MIDN: variants seen among roughly 807,000 people sequenced by gnomAD.
MIDN encodes the protein midbrain nucleolar protein.
Under a neutral mutation model 46.1 loss-of-function variants are expected in MIDN, and 26 were observed. That is an observed-to-expected ratio of 0.56 (90% CI 0.41 to 0.78). MIDN has a LOEUF of 0.78. Among genes scored for constraint, MIDN ranks in the 30% least tolerant of loss-of-function variants. MIDN has a pLI of 0.00. For missense variants in MIDN, 850 were observed against 771.8 expected (o/e 1.10, Z -1.20); for synonymous variants, 432 against 343.3 (o/e 1.26, Z -2.86).
chr19:1,256,906 C>T, intron 8 of MIDN, 89 bp from the exon 9 acceptor site: 2 of 1,571,628 alleles, frequency 1.3e-6, no homozygotes, highest in East Asian at 4.5e-5. Flanking sequence ...CTGTGTCTGA[C>T]CTCAGGGGCA....
intron 2 of MIDN, 55 bp downstream of exon 2, chr19:1,250,584 G>A: frequency 2.0e-6 from 2 of 997,526 alleles, no homozygotes; most frequent in Non-Finnish European, 2.5e-6. Flanking sequence ...CCCCCGGGCG[G>A]GAACAAAGAG....
In MIDN at chr19:1,258,248, G is replaced by C. The variant is rs544175689; in HGVS notation, c.*976G>C. The C allele has an allele frequency of 6.6e-6, 1 of 152,596 alleles. No individual in the cohort carries two copies. The highest frequency in any genetic ancestry group is 1.9e-4 in the East Asian group (1 of 5,204). 9.5% of individuals were successfully genotyped at this position (152,596 alleles called of 1,614,324 possible). On this transcript the variant is annotated 3_prime_UTR_variant, in exon 9 of 9. Coordinates refer to ENST00000682408, the MANE Select transcript of MIDN (RefSeq NM_001388306.1). Reference sequence around the variant, plus strand: ...TTCCCCCCTCCGAGCCCTCCTTCCCGGCCCAACCTGAGGGATGTGGATTTG... The same window carrying C: ...TTCCCCCCTCCGAGCCCTCCTTCCCCGCCCAACCTGAGGGATGTGGATTTG...
intron 6 of MIDN, among the ~76,000 whole-genome samples, chr19:1,254,697 G>A (rs895943132): frequency 1.3e-5 from 2 of 152,100 alleles, no homozygotes; most frequent in African/African-American, 4.8e-5. Context: ...ACCTGGACCA[G>A]TAGATGATCT....
In MIDN at chr19:1,255,894, C is replaced by T. The variant is rs546550305; in HGVS notation, c.1258+200C>T. On this transcript the variant is annotated intron_variant, in intron 8 of 8. Coordinates refer to ENST00000682408, the MANE Select transcript of MIDN (RefSeq NM_001388306.1). ...GGCACAAAGTGTCCTTGTGTGCTCCCGGGGGGCCACAGGCCCACTTCCTCC... is the reference window on the plus strand; with the variant it reads ...GGCACAAAGTGTCCTTGTGTGCTCCTGGGGGGCCACAGGCCCACTTCCTCC... Among the ~76,000 whole-genome samples the T allele has an allele frequency of 1.0e-3, 157 of 152,352 alleles. 1 individual carries two copies. Among genetic ancestry groups the T allele is most frequent in the African/African-American group, 3.4e-3 (142 of 41,592 alleles).
chr19:1,257,359 C>T lies in MIDN; in HGVS notation c.*87C>T. On this transcript the variant is annotated 3_prime_UTR_variant, in exon 9 of 9. Transcript: ENST00000682408. ...AGCCCCGGAGAGAACGTGGCCCAGC[C>T]CTGGAGGGCAGGCGGCCACTCCCCC... The T allele has an allele frequency of 1.8e-6, 2 of 1,106,190 alleles. No individual in the cohort carries two copies. Among genetic ancestry groups the T allele is most frequent in the Middle Eastern group, 2.9e-4 (1 of 3,484 alleles). 68.5% of individuals were successfully genotyped at this position (1,106,190 alleles called of 1,614,324 possible). A position where few individuals can be genotyped will look rare whatever the true frequency, so the allele number is the denominator to read the frequency against.
chr19:1,255,859 T>C (rs1020034585), intron 8 of MIDN, among the ~76,000 whole-genome samples, 165 bp downstream of exon 8: 2 of 152,218 alleles, frequency 1.3e-5, no homozygotes, highest in African/African-American at 4.8e-5. Context: ...GAAGGCAGCA[T>C]GTGTGTCAGG....
chr19:1,255,743 C>T (rs537873372), intron 8 of MIDN, 49 bp downstream of exon 8: 6 of 1,466,082 alleles, frequency 4.1e-6, no homozygotes, highest in Admixed American at 4.7e-5. Context: ...GCCTGGGCTT[C>T]TCAAGGCCCC....
chr19:1,253,327 C>T (rs781734361), intron 4 of MIDN, among the ~76,000 whole-genome samples: 10 of 152,086 alleles, frequency 6.6e-5, no homozygotes, highest in Non-Finnish European at 8.8e-5. Flanking sequence ...GTTACGCCAG[C>T]TACTGCCAGT....
At position 1,254,992 on chromosome 19, in the gene MIDN, C is replaced by T. The variant is rs2081180519; in HGVS notation, c.916C>T (p.Arg306Ter). The change falls in exon 7 of 9, where the codon CGA becomes TGA. Residue 306 changes from arginine (R) to a stop codon, truncating the protein, a stop_gained. Coordinates refer to ENST00000682408, the MANE Select transcript of MIDN (RefSeq NM_001388306.1). LOFTEE classifies it high-confidence loss of function. Reference sequence around the variant, plus strand: ...AGGGGCCAGCCCTGCCCCCCGCTCCCGAAAACCCGGCGCCGTCATCGAGAG... The same window carrying T: ...AGGGGCCAGCCCTGCCCCCCGCTCCTGAAAACCCGGCGCCGTCATCGAGAG... ...TPGASPAPRSRKPGAVIESFV... is the reference protein window; with the variant it reads ...TPGASPAPRS 6.2e-7 allele frequency: 1 copy of T among 1,613,242 alleles called. No homozygotes were observed. Among genetic ancestry groups the T allele is most frequent in the Non-Finnish European group, 8.5e-7 (1 of 1,179,904 alleles).
At position 1,258,717 on chromosome 19, in the gene MIDN, G is replaced by C. The variant is rs1018748700; in HGVS notation, c.*1445G>C. ...TAACTGTAGCGCTGTAAATTTTTTT[G>C]TGGGAGGGTGGGCAGGGAGGGGTCC... is the stretch of plus-strand genomic sequence containing the variant. On this transcript the variant is annotated 3_prime_UTR_variant, in exon 9 of 9. Transcript: ENST00000682408. 3.4e-5 allele frequency: 5 copies of C among 145,608 alleles called. No homozygotes were observed. Among genetic ancestry groups the C allele is most frequent in the African/African-American group, 1.3e-4 (5 of 39,000 alleles). The allele number at this position is 145,608 out of a possible 1,614,324, so 9.0% of individuals were successfully genotyped here.
Position 1,254,882 on chromosome 19 carries a change from G to T in MIDN, c.826-20G>T. On this transcript the variant is annotated intron_variant, in intron 6 of 8. Transcript: ENST00000682408. ...CCCTGATCCTGGACCCCGTGCTCAT[G>T]TGCCCCTTCCTCCCATCAGCAGATG... The T allele has an allele frequency of 1.3e-6, 2 of 1,590,800 alleles. No individual in the cohort carries two copies. The highest frequency in any genetic ancestry group is 8.6e-7 in the Non-Finnish European group (1 of 1,167,624).
At chr19:1,255,137 G>A in intron 7 of MIDN, 76 bp downstream of exon 7, 1 of 1,504,896 alleles carries the variant, frequency 6.6e-7, no homozygotes, top group Non-Finnish European at 9.1e-7. Context: ...TCCACCCACA[G>A]GCGACTCCAC....
intron 1 of MIDN, among the ~76,000 whole-genome samples, chr19:1,249,599 G>T (rs1000899036): frequency 6.7e-6 from 1 of 149,706 alleles, no homozygotes; most frequent in African/African-American, 2.4e-5. Flanking sequence ...ATGGCTGCGG[G>T]CGCGGGCGGG....
intron 4 of MIDN, among the ~76,000 whole-genome samples, chr19:1,253,417 C>T (rs1467568138): frequency 1.2e-5 from 1 of 81,912 alleles, no homozygotes; most frequent in African/African-American, 6.5e-5. Context: ...CAGAAACCTC[C>T]GCCACCCCCC....
intron 8 of MIDN, among the ~76,000 whole-genome samples, chr19:1,256,382 C>G (rs182860796): frequency 2.0e-5 from 3 of 151,368 alleles, no homozygotes; most frequent in Non-Finnish European, 2.9e-5. Flanking sequence ...ACTCGGGAGG[C>G]TGAGACAGGA....
In MIDN at chr19:1,253,855, C is replaced by T. The variant is rs532207958; in HGVS notation, c.385-99C>T. The T allele has an allele frequency of 4.1e-3, 4,159 of 1,017,246 alleles. 9 individuals carry two copies. The highest frequency in any genetic ancestry group is 4.9e-3 in the Non-Finnish European group (3,824 of 773,170). The allele number at this position is 1,017,246 out of a possible 1,614,324, so 63.0% of individuals were successfully genotyped here. The stretch of plus-strand genomic sequence containing the variant: ...GTTGTTTGAGGTCAGTGACTGCCAG[C>T]TGGGCCCCGCCCCCTCTGGCCTCAG... On this transcript the variant is annotated intron_variant, in intron 4 of 8. Coordinates refer to ENST00000682408, the MANE Select transcript of MIDN (RefSeq NM_001388306.1).
At chr19:1,253,279 C>T (rs1379254015) in intron 4 of MIDN, among the ~76,000 whole-genome samples, 1 of 151,978 alleles carries the variant, frequency 6.6e-6, no homozygotes, top group African/African-American at 2.4e-5. Flanking sequence ...CCCTGCCCTC[C>T]TCCCTGCCTC....
At chr19:1,256,491 A>AT (rs1395121552) in intron 8 of MIDN, among the ~76,000 whole-genome samples, 4 of 151,616 alleles carry the variant, frequency 2.6e-5, no homozygotes, top group African/African-American at 7.3e-5. Context: ...CAAAAAAAAA[A>AT]AAAAAAAACC....
intron 3 of MIDN, 34 bp from the exon 4 acceptor site, chr19:1,251,805 C>T (rs1315996026): frequency 6.2e-7 from 1 of 1,604,596 alleles, no homozygotes; most frequent in Non-Finnish European, 8.5e-7. Context: ...ATTCCGACCC[C>T]ACACTCAGGC....
Sources: allele counts gnomAD v4.1 joint callset (sites outside exome capture counted in the v4.1 genomes callset), GRCh38; gene constraint gnomAD v4.1.1; transcripts MANE v1.5; gene names NCBI Gene and HGNC (gene_info 2026-07-23, HGNC 2026-07-21).